The following ATP11A variants were observed in gnomAD, a reference collection of about 807,000 sequenced individuals.
The protein encoded by ATP11A is phospholipid-transporting ATPase IH.
In ATP11A, 81 loss-of-function variants were observed where a neutral mutation model predicts 154.4. That is an observed-to-expected ratio of 0.52 (90% CI 0.44 to 0.63). The LOEUF (loss-of-function observed/expected upper bound fraction) is 0.63, where lower values mean the gene tolerates loss of function less well. ATP11A is among the 30% of genes least tolerant of loss of function. The probability of loss-of-function intolerance (pLI) is 0.00; values close to 1 mark genes in which losing one functional copy is unlikely to be tolerated. For synonymous variants in ATP11A, 623 were observed against 585.9 expected, an observed-to-expected ratio of 1.06 and a Z score of -0.91; for missense variants, 1,316 against 1,474.3, an observed-to-expected ratio of 0.89 and a Z score of 1.76.
At chr13:112,863,053 G>T (rs2080170077) in intron 25 of ATP11A, among the ~76,000 whole-genome samples, 1 of 148,622 alleles carries the variant, frequency 6.7e-6, no homozygotes, top group Admixed American at 6.7e-5. Context: ...TGCGGCCCAT[G>T]CAGCTTCCCA....
At chr13:112,870,926 T>C (rs1375986396) in intron 25 of ATP11A, among the ~76,000 whole-genome samples, 1 of 152,130 alleles carries the variant, frequency 6.6e-6, no homozygotes, top group Non-Finnish European at 1.5e-5. Flanking sequence ...CTCACGGGTG[T>C]GTCTGTGTCT....
chr13:112,729,200 A>G (rs1366827838), intron 1 of ATP11A, among the ~76,000 whole-genome samples: 1 of 152,224 alleles, frequency 6.6e-6, no homozygotes, highest in Non-Finnish European at 1.5e-5. Flanking sequence ...AGGACTCTCC[A>G]CACGTCTGGT....
intron 17 of ATP11A, among the ~76,000 whole-genome samples, chr13:112,846,413 C>T (rs989737328): frequency 3.3e-5 from 5 of 152,272 alleles, no homozygotes; most frequent in East Asian, 1.9e-4. Context: ...CAGCACCCCA[C>T]GCAGGACACC....
chr13:112,831,345 G>A (rs1477518713), intron 12 of ATP11A, 30 bp from the exon 13 acceptor site: 5 of 1,604,866 alleles, frequency 3.1e-6, no homozygotes, highest in Admixed American at 1.7e-5. Flanking sequence ...CTCCCTCAGA[G>A]CGCCCTGACT....
At chr13:112,819,556 T>G (rs1189292100) in intron 7 of ATP11A, 149 bp downstream of exon 7, 1 of 677,438 alleles carries the variant, frequency 1.5e-6, no homozygotes, top group Non-Finnish European at 2.5e-6. Context: ...CAAAAATACA[T>G]TACTTATTTA....
chr13:112,775,107 G>A (rs192451748), intron 1 of ATP11A, among the ~76,000 whole-genome samples: 286 of 152,388 alleles, frequency 1.9e-3, no homozygotes, highest in African/African-American at 6.6e-3. Context: ...CTGGCTTAGA[G>A]AGCTAACAGC....
intron 18 of ATP11A, among the ~76,000 whole-genome samples, chr13:112,852,780 GT>G (rs2079804463): frequency 7.8e-6 from 1 of 128,354 alleles, no homozygotes; most frequent in East Asian, 2.3e-4. Context: ...TTAATGCCTG[GT>G]TGGCGGGGGG....
At chr13:112,850,070 C>T (rs556107674) in intron 17 of ATP11A, among the ~76,000 whole-genome samples, 10 of 152,316 alleles carry the variant, frequency 6.6e-5, no homozygotes, top group Non-Finnish European at 8.8e-5. Flanking sequence ...CCATGACAGC[C>T]GTTGACCCAG....
intron 2 of ATP11A, among the ~76,000 whole-genome samples, chr13:112,786,805 G>A (rs753323698): frequency 7.2e-5 from 11 of 151,788 alleles, no homozygotes; most frequent in East Asian, 1.9e-4. Context: ...ACCTGTAGAC[G>A]CATTTAATTT....
At chr13:112,861,439 T>G (rs1378917569) in intron 24 of ATP11A, among the ~76,000 whole-genome samples, 4 of 152,270 alleles carry the variant, frequency 2.6e-5, no homozygotes, top group Non-Finnish European at 4.4e-5. Flanking sequence ...GTACTGATGT[T>G]GGTGCCGTTC....
intron 1 of ATP11A, among the ~76,000 whole-genome samples, chr13:112,730,133 A>G (rs575555644): frequency 6.6e-6 from 1 of 152,348 alleles, no homozygotes; most frequent in Admixed American, 6.5e-5. Context: ...AGCGGCCCAC[A>G]TAGACCACGG....
At chr13:112,787,695 G>GAGTAGA in intron 2 of ATP11A, among the ~76,000 whole-genome samples, 1 of 149,914 alleles carries the variant, frequency 6.7e-6, no homozygotes, top group African/African-American at 2.5e-5. Context: ...GTGTCCTGAT[G>GAGTAGA]CGTAGACTCC....
chr13:112,755,057 C>T (rs1046415255), intron 1 of ATP11A, among the ~76,000 whole-genome samples: 3 of 152,260 alleles, frequency 2.0e-5, no homozygotes, highest in Non-Finnish European at 2.9e-5. Context: ...CAGTCCATGG[C>T]TCAGGAGGAC....
intron 1 of ATP11A, among the ~76,000 whole-genome samples, chr13:112,748,566 C>T (rs2139796922): frequency 6.6e-6 from 1 of 152,276 alleles, no homozygotes; most frequent in African/African-American, 2.4e-5. Flanking sequence ...GGGTTCTGCT[C>T]TGTCACCCAG....
chr13:112,846,603 G>A (rs74943218), intron 17 of ATP11A, among the ~76,000 whole-genome samples: 5 of 152,246 alleles, frequency 3.3e-5, no homozygotes, highest in East Asian at 1.9e-4. Context: ...AATCCTCCTC[G>A]CTAACTGCAC....
intron 1 of ATP11A, among the ~76,000 whole-genome samples, chr13:112,779,383 TGAGTAGCC>T (rs1566469513): frequency 2.3e-4 from 17 of 75,346 alleles, no homozygotes; most frequent in African/African-American, 9.3e-4. Context: ...GCCGCTGGAG[TGAGTAGCC>T]GCTGGAGTGA....
At chr13:112,797,567 A>G (rs1489491789) in intron 2 of ATP11A, among the ~76,000 whole-genome samples, 1 of 152,234 alleles carries the variant, frequency 6.6e-6, no homozygotes, top group Admixed American at 6.5e-5. Context: ...CAAGGGTAAG[A>G]ATTATATCAA....
Position 112,807,511 on chromosome 13 carries a change from C to G in ATP11A, c.333+1218C>G, listed in dbSNP as rs140809358. On this transcript the variant is annotated intron_variant, in intron 4 of 29. Coordinates refer to ENST00000375645, the MANE Select transcript of ATP11A (RefSeq NM_015205.3). The surrounding 1 kb of genome is among the most constrained non-coding windows in gnomAD (Gnocchi z 4.5). ...GAGAACAGAACATGAGGGAGACTCA[C>G]GCTTCCCAAGGACGCGCTGCCTGTG... is the stretch of plus-strand genomic sequence containing the variant. Among the ~76,000 whole-genome samples the G allele has an allele frequency of 6.6e-6, 1 of 152,182 alleles. No individual in the cohort carries two copies.
chr13:112,825,718 G>A, intron 11 of ATP11A, 138 bp downstream of exon 11: 1 of 1,018,272 alleles, frequency 9.8e-7, no homozygotes, highest in Non-Finnish European at 1.4e-6. Context: ...TGTGATAGAT[G>A]CATTCACTGA....
Sources: gnomAD v4.1 joint callset for allele counts (sites outside exome capture counted in the v4.1 genomes callset) on GRCh38, gnomAD v4.1.1 for gene constraint, Gnocchi (gnomAD v3.1) non-coding constraint, MANE v1.5 for transcripts, NCBI Gene and HGNC (gene_info 2026-07-23, HGNC 2026-07-21) for gene names.